The following ELMO1 variants were observed in gnomAD, a reference collection of about 807,000 sequenced individuals.
ELMO1 encodes the protein engulfment and cell motility 1.
ELMO1 carries 26 observed loss-of-function variants against 98.9 expected under a neutral mutation model. The ratio of observed to expected loss-of-function variants is 0.26; its 90% CI spans 0.19 to 0.36. ELMO1 has a LOEUF of 0.36. ELMO1 is among the 10% of genes least tolerant of loss of function. The pLI is 1.00. For synonymous variants in ELMO1, 346 were observed against 346.0 expected (o/e 1.00, Z 0.00); for missense variants, 627 against 935.2 (o/e 0.67, Z 4.30).
intron 7 of ELMO1, among the ~76,000 whole-genome samples, chr7:37,243,761 T>C (rs1242822235): frequency 3.9e-5 from 6 of 152,176 alleles, no homozygotes; most frequent in Admixed American, 1.3e-4. Context: ...CTTCAAACAG[T>C]TTGTTAGAAC....
chr7:36,861,545 C>G (rs1584263509), intron 21 of ELMO1, 114 bp downstream of exon 21: 9 of 1,247,048 alleles, frequency 7.2e-6, no homozygotes, highest in South Asian at 7.0e-5. Context: ...CAAGATGCCC[C>G]TTGGTTCATC....
At chr7:36,881,011 T>A (rs1804408220) in intron 18 of ELMO1, among the ~76,000 whole-genome samples, 1 of 152,208 alleles carries the variant, frequency 6.6e-6, no homozygotes, top group East Asian at 1.9e-4. Context: ...TCTTATCCTA[T>A]ACAAGTTTCT....
rs372193150 is a variant in ELMO1 at position 36,951,625 on chromosome 7, G to C, written c.1438-56608C>G. Among the ~76,000 whole-genome samples the C allele has an allele frequency of 5.2e-3, 794 of 152,272 alleles. 8 individuals carry two copies. Among genetic ancestry groups the C allele is most frequent in the African/African-American group, 0.018 (759 of 41,560 alleles). On this transcript the variant is annotated intron_variant, in intron 16 of 21. Coordinates refer to ENST00000310758, the MANE Select transcript of ELMO1 (RefSeq NM_014800.11). ...GTCTGAGAATCTGCATTTCTAGCAG[G>C]TTCTCAGGCAATGCTGTTGGTGTTG...
At chr7:37,347,068 C>G (rs1050703540) in intron 1 of ELMO1, among the ~76,000 whole-genome samples, 2 of 152,164 alleles carry the variant, frequency 1.3e-5, no homozygotes, top group Non-Finnish European at 2.9e-5. Flanking sequence ...ATTAACAAAC[C>G]ACGAGAGAAA....
intron 12 of ELMO1, 71 bp downstream of exon 12, chr7:37,213,264 C>T: frequency 6.4e-7 from 1 of 1,556,326 alleles, no homozygotes; most frequent in Non-Finnish European, 8.7e-7. Flanking sequence ...TTTCAGGGTA[C>T]CTCAAGAAAA....
intron 16 of ELMO1, among the ~76,000 whole-genome samples, chr7:36,922,047 C>T (rs1785188791): frequency 6.6e-6 from 1 of 152,068 alleles, no homozygotes; most frequent in Non-Finnish European, 1.5e-5. Context: ...GGAAATGAGG[C>T]AAATTTGGGG....
Position 37,224,955 on chromosome 7 carries a change from C to T in ELMO1, c.625G>A (p.Val209Met). 1 of 1,614,052 alleles carries T rather than the reference C, an allele frequency of 6.2e-7. No homozygotes were observed. Among genetic ancestry groups the T allele is most frequent in the Non-Finnish European group, 8.5e-7 (1 of 1,179,990 alleles). ...QRSLAILESM[V>M]LNSHDLYQKV... ...TGGTAGAGGTCATGGCTATTGAGCA[C>T]CATCGACTCCAAAATGGCCAAGGAC... The change falls in exon 9 of 22, where the codon GTG (valine) becomes ATG (methionine). Residue 209 changes from valine (V) to methionine (M), a missense_variant. Coordinates refer to ENST00000310758, the MANE Select transcript of ELMO1 (RefSeq NM_014800.11).
chr7:37,282,609 G>A (rs1220779485), intron 4 of ELMO1, among the ~76,000 whole-genome samples: 1 of 130,600 alleles, frequency 7.7e-6, no homozygotes, highest in Non-Finnish European at 1.8e-5. Context: ...ATAAAATCCA[G>A]ACACCACCCC....
intron 4 of ELMO1, among the ~76,000 whole-genome samples, chr7:37,296,620 TA>T (rs1798040691): frequency 6.6e-6 from 1 of 150,864 alleles, no homozygotes; most frequent in Admixed American, 6.6e-5. Context: ...TGTGTAACAC[TA>T]GGGGTGTGGG....
At chr7:37,306,864 G>C (rs962964136) in intron 4 of ELMO1, among the ~76,000 whole-genome samples, 3 of 152,086 alleles carry the variant, frequency 2.0e-5, no homozygotes, top group African/African-American at 7.3e-5. Flanking sequence ...AAAAAGAAGA[G>C]TTCATATCCT....
intron 16 of ELMO1, among the ~76,000 whole-genome samples, chr7:36,969,100 C>T (rs1253685346): frequency 6.6e-6 from 1 of 152,032 alleles, no homozygotes; most frequent in Non-Finnish European, 1.5e-5. Context: ...AAAAATAAGG[C>T]ATACTCTCAG....
intron 15 of ELMO1, among the ~76,000 whole-genome samples, chr7:37,033,945 C>T (rs1795030700): frequency 6.6e-6 from 1 of 152,140 alleles, no homozygotes; most frequent in Admixed American, 6.5e-5. Flanking sequence ...ATAAGAGAGA[C>T]AGTGCTGTGC....
In ELMO1 at chr7:37,149,690, CCCTTTA is replaced by C. The variant is rs368869391; in HGVS notation, c.1087-16462_1087-16457del. On this transcript the variant is annotated intron_variant, in intron 13 of 21. Coordinates refer to ENST00000310758, the MANE Select transcript of ELMO1 (RefSeq NM_014800.11). Reference sequence around the variant, plus strand: ...AAACTTAAAAATATTTACTACCTGGCCCTTTATGGGAAACATTTGCAGACTCTTGTT... The same window carrying C: ...AAACTTAAAAATATTTACTACCTGGCTGGGAAACATTTGCAGACTCTTGTT... Among the ~76,000 whole-genome samples the C allele has an allele frequency of 6.5e-4, 99 of 152,210 alleles. 1 individual carries two copies. The highest frequency in any genetic ancestry group is 2.3e-3 in the African/African-American group (94 of 41,528).
chr7:37,428,402 C>A (rs565727455), intron 1 of ELMO1, among the ~76,000 whole-genome samples: 7 of 152,108 alleles, frequency 4.6e-5, no homozygotes, highest in African/African-American at 7.2e-5. Context: ...GCTTGGCAGT[C>A]TTGACTAAAT....
At chr7:37,131,680 A>G (rs1563023283) in intron 14 of ELMO1, among the ~76,000 whole-genome samples, 1 of 152,222 alleles carries the variant, frequency 6.6e-6, no homozygotes, top group Non-Finnish European at 1.5e-5. Context: ...TGTGCAAAAA[A>G]TATATTCGCA....
intron 4 of ELMO1, among the ~76,000 whole-genome samples, chr7:37,303,918 C>T (rs989173380): frequency 3.3e-5 from 5 of 152,152 alleles, no homozygotes; most frequent in African/African-American, 7.2e-5. Flanking sequence ...TCTATCCAAC[C>T]GTCAGTGTAA....
intron 4 of ELMO1, among the ~76,000 whole-genome samples, chr7:37,278,151 T>C (rs1411124697): frequency 1.1e-4 from 1 of 9,500 alleles, no homozygotes; most frequent in African/African-American, 5.0e-4. Flanking sequence ...GGGCTGGGGG[T>C]GGTGTGGTAC....
chr7:37,115,143 G>A (rs2129280923), intron 14 of ELMO1, among the ~76,000 whole-genome samples: 1 of 152,196 alleles, frequency 6.6e-6, no homozygotes, highest in Non-Finnish European at 1.5e-5. Context: ...AGGCCTGGAT[G>A]GTTTCATTGG....
intron 6 of ELMO1, among the ~76,000 whole-genome samples, chr7:37,250,563 CGGGTGGATCACGAGGTCAGGAGA>C (rs769246922): frequency 6.6e-6 from 1 of 151,870 alleles, no homozygotes; most frequent in Non-Finnish European, 1.5e-5. Context: ...GAGGCCGAGG[CGGGTGGATCACGAGGTCAGGAGA>C]TCAAGACCAT....
Sources: gnomAD v4.1 joint callset for allele counts (sites outside exome capture counted in the v4.1 genomes callset) on GRCh38, gnomAD v4.1.1 for gene constraint, MANE v1.5 for transcripts, NCBI Gene and HGNC (gene_info 2026-07-23, HGNC 2026-07-21) for gene names.